ATG7: variants seen among roughly 807,000 people sequenced by gnomAD.
ATG7 encodes autophagy related 7.
In ATG7, 70 loss-of-function variants were observed where a neutral mutation model predicts 82.4. That is an observed-to-expected ratio of 0.85 (90% CI 0.70 to 1.04). The LOEUF (loss-of-function observed/expected upper bound fraction) is 1.04, where lower values mean the gene tolerates loss of function less well. ATG7 is among the 50% of genes least tolerant of loss of function. The pLI is 0.00. For missense variants in ATG7, 792 were observed against 864.3 expected (o/e 0.92, Z 1.05); for synonymous variants, 287 against 313.0 (o/e 0.92, Z 0.88).
chr3:11,275,100 A>C (rs750270537), intron 1 of ATG7, among the ~76,000 whole-genome samples: 6 of 152,068 alleles, frequency 3.9e-5, no homozygotes, highest in Non-Finnish European at 5.9e-5. Flanking sequence ...TGAGAGATTA[A>C]GGAGGTGGAA....
At chr3:11,515,166 A>G (rs973962114) in intron 20 of ATG7, among the ~76,000 whole-genome samples, 1 of 152,026 alleles carries the variant, frequency 6.6e-6, no homozygotes, top group African/African-American at 2.4e-5. Flanking sequence ...CGTTCCTGAG[A>G]AGATCTGATA....
At chr3:11,527,027 G>T (rs898580835) in intron 20 of ATG7, among the ~76,000 whole-genome samples, 29 of 141,834 alleles carry the variant, frequency 2.0e-4, no homozygotes, top group Admixed American at 6.5e-4. Context: ...GTATATATAT[G>T]TGTGTGTGTA....
intron 20 of ATG7, among the ~76,000 whole-genome samples, chr3:11,441,958 G>T (rs1399150334): frequency 2.0e-5 from 3 of 151,904 alleles, no homozygotes; most frequent in Non-Finnish European, 4.4e-5. Context: ...GAGCCACCGC[G>T]CCTGGCCCAA....
chr3:11,413,815 T>C (rs559334337), intron 19 of ATG7, among the ~76,000 whole-genome samples: 1 of 152,342 alleles, frequency 6.6e-6, no homozygotes, highest in African/African-American at 2.4e-5. Flanking sequence ...ACTAGTTCTT[T>C]AAATGTTTGA....
intron 20 of ATG7, chr3:11,446,668 C>T (rs917422616): frequency 4.5e-6 from 1 of 224,144 alleles, no homozygotes; most frequent in Non-Finnish European, 9.1e-6. Context: ...TCATGAATTC[C>T]TGACTTTTGA....
chr3:11,412,483 C>T (rs1382997163), intron 19 of ATG7, among the ~76,000 whole-genome samples: 8 of 151,964 alleles, frequency 5.3e-5, no homozygotes, highest in South Asian at 4.2e-4. Flanking sequence ...ATTGTTTCTG[C>T]GCTCTCTATT....
At chr3:11,390,608 TCA>T (rs904813418) in intron 19 of ATG7, among the ~76,000 whole-genome samples, 5 of 152,172 alleles carry the variant, frequency 3.3e-5, no homozygotes, top group African/African-American at 1.2e-4. Flanking sequence ...GCTTTTACTC[TCA>T]CAGTATTTTC....
chr3:11,387,380 ATTACT>A (rs1452696614), intron 19 of ATG7, among the ~76,000 whole-genome samples: 1 of 152,144 alleles, frequency 6.6e-6, no homozygotes, highest in Admixed American at 6.5e-5. Context: ...ACTTGTGATG[ATTACT>A]CCTTTCCCTG....
intron 14 of ATG7, among the ~76,000 whole-genome samples, chr3:11,356,353 T>C (rs190620058): frequency 2.6e-4 from 40 of 152,328 alleles, no homozygotes; most frequent in African/African-American, 8.7e-4. Context: ...TTAGAAAATA[T>C]TGGTGCCTGG....
At position 11,298,722 on chromosome 3, in the gene ATG7, ACT is replaced by A; in HGVS notation, c.32_33del (p.Ser11Ter). ...TGGCGGCAGCTACGGGGGATCCTGG[ACT>A]CTCTAAACTGCAGTTTGCCCCTTTT... MAAATGDPG[L>X]SKLQFAPFSS... On this transcript the variant is annotated frameshift_variant, in exon 4 of 21. Transcript: ENST00000693202. LOFTEE classifies it high-confidence loss of function. 6.2e-7 allele frequency: 1 copy of A among 1,614,026 alleles called. No homozygotes were observed. Among genetic ancestry groups the A allele is most frequent in the South Asian group, 1.1e-5 (1 of 91,078 alleles).
the ATG7 span, among the ~76,000 whole-genome samples, chr3:11,572,311 T>C: frequency 2.0e-5 from 3 of 152,166 alleles, no homozygotes; most frequent in Admixed American, 6.5e-5. Context: ...TTTTCTAAGT[T>C]TACAAAACTA....
At chr3:11,521,992 C>T (rs919605510) in intron 20 of ATG7, among the ~76,000 whole-genome samples, 2 of 152,148 alleles carry the variant, frequency 1.3e-5, no homozygotes, top group African/African-American at 2.4e-5. Context: ...CACTGCAGTC[C>T]TGACGTAGCT....
At chr3:11,284,250 T>C (rs1467970579) in intron 3 of ATG7, among the ~76,000 whole-genome samples, 1 of 152,224 alleles carries the variant, frequency 6.6e-6, no homozygotes, top group African/African-American at 2.4e-5. Context: ...GGCTTGATTA[T>C]TTGCTGTGTC....
chr3:11,330,963 T>C (rs1028884380), intron 9 of ATG7, among the ~76,000 whole-genome samples: 4 of 152,192 alleles, frequency 2.6e-5, no homozygotes, highest in Non-Finnish European at 4.4e-5. Flanking sequence ...TGCATAAAAA[T>C]GAGCAATTTT....
intron 18 of ATG7, among the ~76,000 whole-genome samples, chr3:11,371,481 A>T (rs1045751742): frequency 8.6e-5 from 13 of 151,038 alleles, no homozygotes; most frequent in African/African-American, 2.9e-4. Context: ...TGGTTGCTGC[A>T]TGGAGAATAG....
chr3:11,324,409 T>C (rs1443382164), intron 9 of ATG7, among the ~76,000 whole-genome samples: 3 of 152,228 alleles, frequency 2.0e-5, no homozygotes, highest in African/African-American at 4.8e-5. Context: ...CAAAGAAAGA[T>C]TAAATGATGT....
chr3:11,359,009 T>TTA lies in ATG7; in HGVS notation c.1479+399_1479+400dup, dbSNP rs1179521891. Among the ~76,000 whole-genome samples, 6 of 152,176 alleles carry TTA rather than the reference T, an allele frequency of 3.9e-5. No homozygotes were observed. The East Asian group carries it at 1.2e-3, about 29-fold the overall frequency. On this transcript the variant is annotated intron_variant, in intron 15 of 20. Transcript: ENST00000693202. ...TGGAATAGTATGCAGCCATTCACAGTTATGTTTTCAAAGGACTTTAATAAG... is the reference window on the plus strand; with the variant it reads ...TGGAATAGTATGCAGCCATTCACAGTTATATGTTTTCAAAGGACTTTAATAAG...
At chr3:11,487,081 C>T (rs1479577257) in intron 20 of ATG7, among the ~76,000 whole-genome samples, 1 of 150,282 alleles carries the variant, frequency 6.7e-6, no homozygotes, top group African/African-American at 2.5e-5. Context: ...CAAAGCACAT[C>T]TTGCACCGCC....
At chr3:11,471,503 G>C (rs993584934) in intron 20 of ATG7, among the ~76,000 whole-genome samples, 5 of 152,120 alleles carry the variant, frequency 3.3e-5, no homozygotes, top group Non-Finnish European at 7.4e-5. Context: ...AATTTTTACT[G>C]TCTCCATTTT....
Sources: gnomAD v4.1 joint callset for allele counts (sites outside exome capture counted in the v4.1 genomes callset) on GRCh38, gnomAD v4.1.1 for gene constraint, MANE v1.5 for transcripts, NCBI Gene and HGNC (gene_info 2026-07-23, HGNC 2026-07-21) for gene names.